The following RANBP2 variants were observed in gnomAD, a reference collection of about 807,000 sequenced individuals.
The protein encoded by RANBP2 is E3 SUMO-protein ligase RanBP2.
RANBP2 carries 57 observed loss-of-function variants against 303.6 expected under a neutral mutation model. The ratio of observed to expected loss-of-function variants is 0.19; its 90% CI spans 0.15 to 0.23. The LOEUF (loss-of-function observed/expected upper bound fraction) is 0.23, where lower values mean the gene tolerates loss of function less well. RANBP2 is among the 10% of genes least tolerant of loss of function. The pLI is 1.00. For synonymous variants in RANBP2, 1,167 were observed against 1,301.5 expected, an observed-to-expected ratio of 0.90 and a Z score of 2.23; for missense variants, 3,138 against 3,780.8, an observed-to-expected ratio of 0.83 and a Z score of 4.46.
chr2:108,759,729 A>G (rs1450601600), intron 18 of RANBP2, among the ~76,000 whole-genome samples: 1 of 152,168 alleles, frequency 6.6e-6, no homozygotes, highest in East Asian at 1.9e-4. Context: ...AACCTTACAC[A>G]TCATATAGGT....
At chr2:108,908,694 T>G in the RANBP2 span, among the ~76,000 whole-genome samples, 1 of 152,234 alleles carries the variant, frequency 6.6e-6, no homozygotes, top group African/African-American at 2.4e-5. Context: ...GGTTGGAGCT[T>G]AAACTCTCTT....
chr2:108,753,819 G>A lies in RANBP2; in HGVS notation c.2056-6G>A. ...TAATGATTTCATAAAAGCACTATTT[G>A]TATAGATTTTTCACAGGAAGGCAGA... On this transcript the variant is annotated splice_polypyrimidine_tract_variant and splice_region_variant and intron_variant, in intron 14 of 28. Coordinates refer to ENST00000283195, the MANE Select transcript of RANBP2 (RefSeq NM_006267.5). The A allele has an allele frequency of 6.2e-7, 1 of 1,611,916 alleles. No homozygotes were observed. Among genetic ancestry groups the A allele is most frequent in the Non-Finnish European group, 8.5e-7 (1 of 1,179,822 alleles).
the RANBP2 span, among the ~76,000 whole-genome samples, chr2:109,231,039 C>T: frequency 1.3e-5 from 2 of 152,244 alleles, no homozygotes; most frequent in African/African-American, 4.8e-5. Flanking sequence ...TGAATGTCAG[C>T]ACGGACAGAG....
the RANBP2 span, among the ~76,000 whole-genome samples, chr2:109,033,882 G>A: frequency 2.0e-5 from 3 of 149,292 alleles, no homozygotes; most frequent in Admixed American, 2.0e-4. Flanking sequence ...CTTGAACCCA[G>A]GAGGCAGAGG....
At chr2:109,568,109 G>A in the RANBP2 span, 18 of 645,204 alleles carry the variant, frequency 2.8e-5, no homozygotes, top group African/African-American at 1.8e-4. Context: ...GGCAAACTAC[G>A]GTCCATCTCG....
the RANBP2 span, among the ~76,000 whole-genome samples, chr2:109,609,599 G>A: frequency 1.6e-5 from 2 of 124,588 alleles, no homozygotes; most frequent in African/African-American, 3.2e-5. Context: ...CTGGGTGACA[G>A]AGCAAGACTC....
the RANBP2 span, among the ~76,000 whole-genome samples, chr2:109,540,726 A>C: frequency 6.9e-6 from 1 of 144,248 alleles, no homozygotes; most frequent in African/African-American, 2.6e-5. Context: ...GCTGGAGACC[A>C]GGAGTTTGAG....
chr2:109,509,284 A>G, the RANBP2 span, among the ~76,000 whole-genome samples: 11 of 152,156 alleles, frequency 7.2e-5, no homozygotes, highest in African/African-American at 2.4e-4. Flanking sequence ...GTTTGGTGCT[A>G]TGGAAAGAAG....
chr2:108,791,560 A>C, the RANBP2 span: 1 of 1,278,256 alleles, frequency 7.8e-7, no homozygotes, highest in Non-Finnish European at 1.1e-6. Context: ...TGCAGTTTAA[A>C]AAATGTTTTT....
chr2:109,401,452 A>AG, the RANBP2 span, among the ~76,000 whole-genome samples: 1 of 152,204 alleles, frequency 6.6e-6, no homozygotes, highest in Non-Finnish European at 1.5e-5. Flanking sequence ...AACCAGAGGG[A>AG]GGGCCCTTCT....
the RANBP2 span, among the ~76,000 whole-genome samples, chr2:109,163,979 TC>T: frequency 6.6e-6 from 1 of 152,150 alleles, no homozygotes; most frequent in Non-Finnish European, 1.5e-5. Flanking sequence ...GTCCTTCCCT[TC>T]CCCCTACATC....
At chr2:108,899,368 A>C in the RANBP2 span, among the ~76,000 whole-genome samples, 1 of 152,244 alleles carries the variant, frequency 6.6e-6, no homozygotes, top group Non-Finnish European at 1.5e-5. Context: ...GAATATCAAG[A>C]CATTCCAAGC....
the RANBP2 span, among the ~76,000 whole-genome samples, chr2:109,727,233 A>G: frequency 6.6e-6 from 1 of 152,338 alleles, no homozygotes; most frequent in African/African-American, 2.4e-5. Flanking sequence ...AACAACAACG[A>G]ACTGTTTACC....
chr2:109,688,891 CCTTCCTTCCTTCCTTT>C, the RANBP2 span, among the ~76,000 whole-genome samples: 6 of 150,562 alleles, frequency 4.0e-5, no homozygotes, highest in Non-Finnish European at 4.4e-5. Flanking sequence ...TTCCTTCCTT[CCTTCCTTCCTTCCTTT>C]CTTCCTTCCT....
At chr2:109,114,502 G>A in the RANBP2 span, among the ~76,000 whole-genome samples, 73 of 151,672 alleles carry the variant, frequency 4.8e-4, no homozygotes, top group South Asian at 1.3e-3. Flanking sequence ...TTTTTATTGC[G>A]TCTATTTGAT....
the RANBP2 span, among the ~76,000 whole-genome samples, chr2:109,368,715 A>AG: frequency 6.6e-6 from 1 of 150,696 alleles, no homozygotes; most frequent in Non-Finnish European, 1.5e-5. Context: ...CTTTAAAAAA[A>AG]AAAAAAAAGA....
At chr2:109,385,399 A>G in the RANBP2 span, among the ~76,000 whole-genome samples, 2 of 152,224 alleles carry the variant, frequency 1.3e-5, no homozygotes, top group Non-Finnish European at 2.9e-5. Context: ...GAGCAGGAAG[A>G]AGCCCCCATG....
chr2:108,827,066 CAATT>C, the RANBP2 span, among the ~76,000 whole-genome samples: 74 of 152,220 alleles, frequency 4.9e-4, no homozygotes, highest in Middle Eastern at 6.8e-3. Flanking sequence ...TATGGTTACA[CAATT>C]AAAGGCAAGT....
the RANBP2 span, among the ~76,000 whole-genome samples, chr2:109,181,850 T>C: frequency 2.6e-4 from 39 of 152,314 alleles, no homozygotes; most frequent in African/African-American, 9.1e-4. Context: ...ACCTTTTTTT[T>C]CCATCCTGGC....
Sources: gnomAD v4.1 joint callset for allele counts (sites outside exome capture counted in the v4.1 genomes callset) on GRCh38, gnomAD v4.1.1 for gene constraint, MANE v1.5 for transcripts, NCBI Gene and HGNC (gene_info 2026-07-23, HGNC 2026-07-21) for gene names.